Variants in CCDC91 observed in about 807,000 individuals in gnomAD.
CCDC91 encodes the protein coiled-coil domain containing 91.
A neutral mutation model predicts 63.2 loss-of-function variants in CCDC91; 48 were observed. The observed-to-expected ratio is 0.76, with a 90% confidence interval of 0.60 to 0.97. CCDC91 has a LOEUF of 0.97. Among genes scored for constraint, CCDC91 ranks in the 50% least tolerant of loss-of-function variants. CCDC91 has a pLI of 0.00. For missense variants in CCDC91, 500 were observed against 494.6 expected, an observed-to-expected ratio of 1.01 and a Z score of -0.10; for synonymous variants, 167 against 165.8, an observed-to-expected ratio of 1.01 and a Z score of -0.06.
At chr12:28,464,472 G>A (rs1285490366) in intron 11 of CCDC91, among the ~76,000 whole-genome samples, 1 of 152,160 alleles carries the variant, frequency 6.6e-6, no homozygotes. Flanking sequence ...CAGTAGGGAG[G>A]ACTTTGTCTT....
At chr12:28,499,183 C>G (rs1402569174) in intron 12 of CCDC91, among the ~76,000 whole-genome samples, 4 of 151,512 alleles carry the variant, frequency 2.6e-5, no homozygotes, top group African/African-American at 9.7e-5. Context: ...AAATCTGTAC[C>G]TGCATAGCTG....
intron 1 of CCDC91, among the ~76,000 whole-genome samples, chr12:28,194,628 A>T (rs1472175515): frequency 6.6e-6 from 1 of 152,176 alleles, no homozygotes; most frequent in East Asian, 1.9e-4. Context: ...GTGAAGCTGC[A>T]TCCGAAATTG....
At chr12:28,486,851 A>G (rs61463823) in intron 12 of CCDC91, among the ~76,000 whole-genome samples, 203 of 152,144 alleles carry the variant, frequency 1.3e-3, no homozygotes, top group African/African-American at 4.6e-3. Context: ...CTGAAGTTCT[A>G]CTTCTCTTTG....
At chr12:28,543,624 A>AT (rs1345791572) in intron 12 of CCDC91, among the ~76,000 whole-genome samples, 1 of 151,904 alleles carries the variant, frequency 6.6e-6, no homozygotes, top group Admixed American at 6.6e-5. Context: ...TTCCCTAAAT[A>AT]TTTTTATCTG....
rs556913309 is a variant in CCDC91, at chr12:28,249,291, G to T, written c.-14-7911G>T. On this transcript the variant is annotated intron_variant, in intron 1 of 12. Coordinates refer to ENST00000536442, the MANE Select transcript of CCDC91 (RefSeq NM_018318.5). ...AGTTGTCAGCAGAAGACAGGTAATT[G>T]GATATTATTGGTGGTTCCTGGGGTG... Among the ~76,000 whole-genome samples the T allele has an allele frequency of 7.9e-5, 12 of 152,254 alleles. No homozygotes were observed. In the South Asian group the frequency reaches 1.2e-3, roughly 16 times the overall value.
At chr12:28,214,088 T>C (rs1033762757) in intron 1 of CCDC91, among the ~76,000 whole-genome samples, 11 of 152,174 alleles carry the variant, frequency 7.2e-5, no homozygotes, top group African/African-American at 1.7e-4. Flanking sequence ...TGTGAACTTA[T>C]GCTTTGATGA....
At chr12:28,486,990 TACC>T (rs1448357609) in intron 12 of CCDC91, among the ~76,000 whole-genome samples, 1 of 152,018 alleles carries the variant, frequency 6.6e-6, no homozygotes, top group African/African-American at 2.4e-5. Context: ...TTATCATCTT[TACC>T]ACATTATTTA....
At chr12:28,283,940 G>T (rs1479827273) in intron 3 of CCDC91, among the ~76,000 whole-genome samples, 1 of 152,102 alleles carries the variant, frequency 6.6e-6, no homozygotes, top group Admixed American at 6.5e-5. Context: ...TTTAGTGGGG[G>T]TATGTTTGTC....
At chr12:28,486,497 T>TA (rs1414105949) in intron 12 of CCDC91, among the ~76,000 whole-genome samples, 1 of 152,158 alleles carries the variant, frequency 6.6e-6, no homozygotes, top group Non-Finnish European at 1.5e-5. Context: ...AACTCATTCA[T>TA]AAGATTATTT....
intron 11 of CCDC91, among the ~76,000 whole-genome samples, chr12:28,460,200 A>G (rs1950237295): frequency 6.6e-6 from 1 of 152,080 alleles, no homozygotes; most frequent in Non-Finnish European, 1.5e-5. Flanking sequence ...CTTTTGAGAA[A>G]ATAGAAGCAA....
intron 7 of CCDC91, among the ~76,000 whole-genome samples, chr12:28,376,197 G>A (rs924429544): frequency 3.3e-5 from 5 of 151,458 alleles, no homozygotes; most frequent in African/African-American, 1.2e-4. Flanking sequence ...ATATTTGTTG[G>A]TCAATGTATT....
intron 4 of CCDC91, among the ~76,000 whole-genome samples, chr12:28,306,122 G>C (rs1938699138): frequency 6.6e-6 from 1 of 151,972 alleles, no homozygotes; most frequent in African/African-American, 2.4e-5. Context: ...AGAAGAATAA[G>C]TATTTCTCTT....
intron 12 of CCDC91, among the ~76,000 whole-genome samples, chr12:28,544,057 T>G (rs142454024): frequency 8.5e-6 from 1 of 118,048 alleles, no homozygotes; most frequent in African/African-American, 3.2e-5. Context: ...TTCCACGTAA[T>G]AATTTGTACG....
intron 6 of CCDC91, among the ~76,000 whole-genome samples, chr12:28,308,652 A>G (rs1162400357): frequency 2.6e-5 from 4 of 151,800 alleles, no homozygotes; most frequent in South Asian, 4.2e-4. Context: ...AGATACCTGC[A>G]TGGTTTTCTT....
chr12:28,490,266 G>C (rs1951929032), intron 12 of CCDC91, among the ~76,000 whole-genome samples: 1 of 151,756 alleles, frequency 6.6e-6, no homozygotes, highest in Non-Finnish European at 1.5e-5. Flanking sequence ...TAAAGCATCT[G>C]CCCTTGTAAC....
At chr12:28,498,037 C>T (rs1952403942) in intron 12 of CCDC91, among the ~76,000 whole-genome samples, 1 of 151,584 alleles carries the variant, frequency 6.6e-6, no homozygotes, top group African/African-American at 2.4e-5. Context: ...CCCTCTCCTT[C>T]TGCTCTTAGT....
At chr12:28,412,647 G>A (rs1405216852) in intron 8 of CCDC91, 1 of 397,286 alleles carries the variant, frequency 2.5e-6, no homozygotes, top group Non-Finnish European at 5.0e-6. Context: ...AAAGGACAAA[G>A]CTTCCAGAGC....
At chr12:28,420,844 A>C (rs1032744525) in intron 8 of CCDC91, among the ~76,000 whole-genome samples, 8 of 151,944 alleles carry the variant, frequency 5.3e-5, no homozygotes. Flanking sequence ...TGACATTTAG[A>C]ATCCGCAAAA....
At chr12:28,428,571 CCCCAAAAAAAAAAAA>C (rs1948456575) in intron 8 of CCDC91, among the ~76,000 whole-genome samples, 2 of 70,830 alleles carry the variant, frequency 2.8e-5, no homozygotes, top group South Asian at 1.1e-3. Context: ...CTCCGTCTCT[CCCCAAAAAAAAAAAA>C]AAAAAAAAAA....
Sources: gnomAD v4.1 joint callset for allele counts (sites outside exome capture counted in the v4.1 genomes callset) on GRCh38, gnomAD v4.1.1 for gene constraint, MANE v1.5 for transcripts, NCBI Gene and HGNC (gene_info 2026-07-23, HGNC 2026-07-21) for gene names.